Variants in DKK3 observed in about 807,000 individuals in gnomAD.
DKK3 encodes dickkopf-related protein 3.
Under a neutral mutation model 33.2 loss-of-function variants are expected in DKK3, and 22 were observed. The ratio of observed to expected loss-of-function variants is 0.66; its 90% CI spans 0.47 to 0.95. DKK3 has a LOEUF of 0.95. Among genes scored for constraint, DKK3 ranks in the 40% least tolerant of loss-of-function variants. The pLI is 0.00. For missense variants in DKK3, 398 were observed against 458.4 expected (o/e 0.87, Z 1.20); for synonymous variants, 194 against 188.8 (o/e 1.03, Z -0.23).
At chr11:11,997,662 C>G (rs958135110) in intron 3 of DKK3, among the ~76,000 whole-genome samples, 1 of 152,128 alleles carries the variant, frequency 6.6e-6, no homozygotes, top group Non-Finnish European at 1.5e-5. Flanking sequence ...GTTCCTCCCC[C>G]CACCCCCAGG....
chr11:12,004,619 A>G (rs906977250), intron 1 of DKK3, among the ~76,000 whole-genome samples: 1 of 152,244 alleles, frequency 6.6e-6, no homozygotes, highest in African/African-American at 2.4e-5. Flanking sequence ...TAGCTGTATG[A>G]CTTTAGGCAA....
chr11:12,008,988 G>C, upstream of DKK3: 1 of 998,826 alleles, frequency 1.0e-6, no homozygotes, highest in Non-Finnish European at 1.2e-6. This position sits in a 1 kb window ranked among gnomAD's most constrained non-coding sequence, Gnocchi z 4.6. Context: ...TCCTCGACCA[G>C]GTCAGAGTGC....
rs565019537 is a variant in DKK3 at position 11,963,522 on chromosome 11, A to ATCATT, written c.*937_*941dup. ...ACTGCCAAAGAGGGACAGTGTCAAT[A>ATCATT]TCATTGTCTTCATTAGAAGGACGGC... is the stretch of plus-strand genomic sequence containing the variant. On this transcript the variant is annotated 3_prime_UTR_variant, in exon 7 of 7. Transcript: ENST00000683431. 2 of 152,374 alleles carry ATCATT rather than the reference A, an allele frequency of 1.3e-5. No individual in the cohort carries two copies. Among genetic ancestry groups the ATCATT allele is most frequent in the African/African-American group, 4.8e-5 (2 of 41,580 alleles). The allele number at this position is 152,374 out of a possible 1,614,324, so 9.4% of individuals were successfully genotyped here. A position where few individuals can be genotyped will look rare whatever the true frequency, so the allele number is the denominator to read the frequency against.
intron 1 of DKK3, among the ~76,000 whole-genome samples, chr11:12,002,884 G>A (rs1157605952): frequency 2.0e-5 from 3 of 152,164 alleles, no homozygotes; most frequent in Non-Finnish European, 4.4e-5. Context: ...CTCTCTAAGG[G>A]CATTCTCTGG....
At position 11,965,938 on chromosome 11, in the gene DKK3, AG is replaced by A. The variant is rs1261974896; in HGVS notation, c.700del (p.Leu234CysfsTer23). On this transcript the variant is annotated frameshift_variant, in exon 6 of 7. Coordinates refer to ENST00000683431, the MANE Select transcript of DKK3 (RefSeq NM_001018057.2). LOFTEE classifies it high-confidence loss of function. The stretch of plus-strand genomic sequence containing the variant: ...ATGGCAAAGCTCGCCCTCCACGGGC[AG>A]GGGTGTGCACACAGGGAACAGCAGG... ...RGLLFPVCTPLPVEGELCHDP... is the reference protein window; with the variant it reads ...RGLLFPVCTPXPVEGELCHDP... The A allele has an allele frequency of 1.6e-5, 26 of 1,613,502 alleles. No homozygotes were observed. The highest frequency in any genetic ancestry group is 2.2e-5 in the Non-Finnish European group (26 of 1,179,946).
rs372048065 is a variant in DKK3, at chr11:11,971,234, G to A, written c.436-2747C>T. ...AAATAACAAAAATGTCCAACCAGAG[G>A]GAACTGATTATTGTACAGTCATTTC... On this transcript the variant is annotated intron_variant, in intron 3 of 6. Coordinates refer to ENST00000683431, the MANE Select transcript of DKK3 (RefSeq NM_001018057.2). 7.9e-5 allele frequency among the ~76,000 whole-genome samples: 12 copies of A among 152,118 alleles called. No individual in the cohort carries two copies. The South Asian group carries it at 2.3e-3, about 29-fold the overall frequency.
At chr11:12,008,679 T>TCCGCCCCGCC (rs1554930813), upstream of DKK3, 4 of 1,209,766 alleles carry the variant, frequency 3.3e-6, no homozygotes, top group Non-Finnish European at 4.1e-6. This position sits in a 1 kb window ranked among gnomAD's most constrained non-coding sequence, Gnocchi z 4.6. Context: ...CCCGCCCCGT[T>TCCGCCCCGCC]CCGCCCCGCC....
In DKK3 at chr11:11,967,148, C is replaced by T. The variant is rs778448060; in HGVS notation, c.529-50G>A. The T allele has an allele frequency of 1.9e-6, 3 of 1,594,118 alleles. No homozygotes were observed. The South Asian group carries it at 3.4e-5, about 18-fold the overall frequency. Reference sequence around the variant, plus strand: ...GAGCCAGCGGCTTAGGGACTGGGGGCCTGCTGAGAGCCCAGCCTGAAGATA... The same window carrying T: ...GAGCCAGCGGCTTAGGGACTGGGGGTCTGCTGAGAGCCCAGCCTGAAGATA... On this transcript the variant is annotated intron_variant, in intron 4 of 6. Coordinates refer to ENST00000683431, the MANE Select transcript of DKK3 (RefSeq NM_001018057.2).
At chr11:12,007,122 C>T (rs1848552484) in intron 1 of DKK3, among the ~76,000 whole-genome samples, 1 of 152,106 alleles carries the variant, frequency 6.6e-6, no homozygotes, top group Non-Finnish European at 1.5e-5. Flanking sequence ...AGCCAGTGTC[C>T]CCTTCACTGC....
At chr11:12,008,646 AC>A (rs1848594613), upstream of DKK3, 6 of 1,271,530 alleles carry the variant, frequency 4.7e-6, no homozygotes, top group African/African-American at 3.2e-5. This position sits in a 1 kb window ranked among gnomAD's most constrained non-coding sequence, Gnocchi z 4.6. Flanking sequence ...CGCGCGGACC[AC>A]CCCCCTCGCT....
chr11:11,987,768 T>C (rs558896559), intron 3 of DKK3, among the ~76,000 whole-genome samples: 133 of 152,358 alleles, frequency 8.7e-4, no homozygotes, highest in African/African-American at 3.2e-3. Context: ...CACAAATAGC[T>C]TTTTCATCTG....
Position 12,008,605 on chromosome 11 carries a change from C to T in DKK3, c.-23G>A. 7.3e-7 allele frequency: 1 copy of T among 1,377,800 alleles called. No homozygotes were observed. The highest frequency in any genetic ancestry group is 3.6e-5 in the Admixed American group (1 of 27,880). 85.3% of individuals were successfully genotyped at this position (1,377,800 alleles called of 1,614,324 possible). A position where few individuals can be genotyped will look rare whatever the true frequency, so the allele number is the denominator to read the frequency against. On this transcript the variant is annotated 5_prime_UTR_variant, in exon 1 of 7. Coordinates refer to ENST00000683431, the MANE Select transcript of DKK3 (RefSeq NM_001018057.2). The surrounding 1 kb of genome is among the most constrained non-coding windows in gnomAD (Gnocchi z 4.6). The stretch of plus-strand genomic sequence containing the variant: ...CATCTCCGCTCTGCGCCCGCAGCCG[C>T]CGCCTGTGTGTCCCGGAACGCGATC...
intron 3 of DKK3, among the ~76,000 whole-genome samples, chr11:11,992,384 C>T (rs1848205403): frequency 6.6e-6 from 1 of 152,202 alleles, no homozygotes; most frequent in African/African-American, 2.4e-5. Context: ...TGTGCCCGAG[C>T]TGTTAACCAC....
chr11:11,979,265 C>G (rs1436782737), intron 3 of DKK3, among the ~76,000 whole-genome samples: 1 of 152,224 alleles, frequency 6.6e-6, no homozygotes, highest in African/African-American at 2.4e-5. Flanking sequence ...CCCCTGACAG[C>G]TGCTGCTGTA....
chr11:11,988,714 G>T (rs748256790), intron 3 of DKK3, among the ~76,000 whole-genome samples: 3 of 152,224 alleles, frequency 2.0e-5, no homozygotes, highest in Non-Finnish European at 2.9e-5. Flanking sequence ...ATAAAGGAGG[G>T]TGTGGAGTGG....
intron 3 of DKK3, among the ~76,000 whole-genome samples, chr11:11,979,489 G>A (rs4757519): frequency 0.36 from 54,634 of 152,130 alleles, 11,976 homozygotes; most frequent in Admixed American, 0.54. Flanking sequence ...CCCAGGAGAT[G>A]AGTGCCAGAG....
rs542515875 is a variant in DKK3 at position 11,984,977 on chromosome 11, G to A, written c.435+13719C>T. ...TGAATCGTTTATGCTAATGAGCCTG[G>A]GAAAAACTTTAATGTTTCAGTGGTG... On this transcript the variant is annotated intron_variant, in intron 3 of 6. Transcript: ENST00000683431. 7.9e-5 allele frequency among the ~76,000 whole-genome samples: 12 copies of A among 152,288 alleles called. No individual in the cohort carries two copies. In the East Asian group the frequency reaches 2.1e-3, roughly 27 times the overall value.
At chr11:11,970,464 G>A (rs537009485) in intron 3 of DKK3, among the ~76,000 whole-genome samples, 38 of 152,270 alleles carry the variant, frequency 2.5e-4, no homozygotes, top group African/African-American at 9.1e-4. Context: ...AATTAGAAAG[G>A]TTGAATGTCT....
At chr11:11,984,483 C>T (rs1351239367) in intron 3 of DKK3, among the ~76,000 whole-genome samples, 1 of 152,060 alleles carries the variant, frequency 6.6e-6, no homozygotes, top group Non-Finnish European at 1.5e-5. Context: ...AGGAAGTGCT[C>T]AATTTAATTT....
Sources: gnomAD v4.1 joint callset for allele counts (sites outside exome capture counted in the v4.1 genomes callset) on GRCh38, gnomAD v4.1.1 for gene constraint, Gnocchi (gnomAD v3.1) non-coding constraint, MANE v1.5 for transcripts, NCBI Gene and HGNC (gene_info 2026-07-23, HGNC 2026-07-21) for gene names.